NALCN: variants seen among roughly 807,000 people sequenced by gnomAD.
NALCN encodes sodium leak channel NALCN.
A neutral mutation model predicts 225.3 loss-of-function variants in NALCN; 111 were observed. The ratio of observed to expected loss-of-function variants is 0.49; its 90% CI spans 0.42 to 0.58. NALCN has a LOEUF of 0.58. Ranked by LOEUF, NALCN falls within the 20% of genes least tolerant of loss-of-function variation. The probability of loss-of-function intolerance (pLI) is 0.00; values close to 1 mark genes in which losing one functional copy is unlikely to be tolerated. For synonymous variants in NALCN, 764 were observed against 769.0 expected, an observed-to-expected ratio of 0.99 and a Z score of 0.11; for missense variants, 1,378 against 2,202.4, an observed-to-expected ratio of 0.63 and a Z score of 7.49.
At chr13:101,278,522 C>CAAA (rs3061766) in intron 10 of NALCN, among the ~76,000 whole-genome samples, 1,135 of 87,238 alleles carry the variant, frequency 0.013, 61 homozygotes, top group African/African-American at 0.036. Context: ...GACTCTGTCT[C>CAAA]AAAAAAAAAA....
At chr13:101,193,347 C>T (rs1418819447) in intron 13 of NALCN, among the ~76,000 whole-genome samples, 6 of 152,076 alleles carry the variant, frequency 3.9e-5, no homozygotes, top group Non-Finnish European at 8.8e-5. Flanking sequence ...GGCTGAGAAG[C>T]GACCTAACTG....
At chr13:101,336,204 C>T (rs891929310) in intron 7 of NALCN, among the ~76,000 whole-genome samples, 1 of 152,068 alleles carries the variant, frequency 6.6e-6, no homozygotes, top group South Asian at 2.1e-4. Context: ...CACAGAACTC[C>T]ACCAGTGATG....
chr13:101,254,344 G>T (rs916228545), intron 11 of NALCN, among the ~76,000 whole-genome samples: 1 of 118,606 alleles, frequency 8.4e-6, no homozygotes, highest in South Asian at 2.8e-4. Context: ...CTGCACTCTA[G>T]CCTGAGCAAC....
chr13:101,060,718 C>T lies in NALCN; in HGVS notation c.4756-751G>A, dbSNP rs141135731. 3.9e-5 allele frequency among the ~76,000 whole-genome samples: 6 copies of T among 152,208 alleles called. No individual in the cohort carries two copies. In the East Asian group the frequency reaches 1.2e-3, roughly 29 times the overall value. Reference sequence around the variant, plus strand: ...CCTGCAAGTTGTAAGAGGCAAAGAGCCTTGGGTGGATGAGAAAACCTTTGT... The same window carrying T: ...CCTGCAAGTTGTAAGAGGCAAAGAGTCTTGGGTGGATGAGAAAACCTTTGT... On this transcript the variant is annotated intron_variant, in intron 41 of 43. Coordinates refer to ENST00000251127, the MANE Select transcript of NALCN (RefSeq NM_052867.4).
chr13:101,088,532 C>T (rs1051823271), intron 30 of NALCN, among the ~76,000 whole-genome samples: 10 of 152,152 alleles, frequency 6.6e-5, no homozygotes, highest in African/African-American at 9.6e-5. Context: ...TTTATCACAC[C>T]TTATAAGCCC....
chr13:101,397,109 TACATACACATAC>T (rs2047328006), intron 2 of NALCN, among the ~76,000 whole-genome samples: 20 of 80,902 alleles, frequency 2.5e-4, no homozygotes, highest in South Asian at 8.1e-4. Context: ...TATATATATA[TACATACACATAC>T]ATATATATAA....
At chr13:101,182,971 C>T (rs17678386) in intron 14 of NALCN, among the ~76,000 whole-genome samples, 21,535 of 152,078 alleles carry the variant, frequency 0.14, 2,040 homozygotes, top group East Asian at 0.43. Flanking sequence ...TCCTACAAAC[C>T]CAGTGCAATG....
chr13:101,260,308 T>C (rs2042383290), intron 10 of NALCN, among the ~76,000 whole-genome samples: 3 of 152,200 alleles, frequency 2.0e-5, no homozygotes, highest in Non-Finnish European at 4.4e-5. Flanking sequence ...CCAAATCTTA[T>C]TGCAAACAGT....
At chr13:101,157,956 T>G (rs922187880) in intron 15 of NALCN, among the ~76,000 whole-genome samples, 2 of 152,132 alleles carry the variant, frequency 1.3e-5, no homozygotes, top group Non-Finnish European at 2.9e-5. Context: ...TTTCACCACG[T>G]TGGCCAGGCT....
At chr13:101,107,850 A>T in intron 20 of NALCN, 61 bp from the exon 21 acceptor site, 1 of 1,382,404 alleles carries the variant, frequency 7.2e-7, no homozygotes, top group Non-Finnish European at 9.8e-7. Flanking sequence ...AAAATATATT[A>T]TCAGTTAAAA....
intron 27 of NALCN, among the ~76,000 whole-genome samples, chr13:101,098,164 C>T (rs2034617824): frequency 1.3e-5 from 2 of 152,042 alleles, no homozygotes; most frequent in South Asian, 4.1e-4. Context: ...ATCTCAAATC[C>T]CACCTCCTCC....
intron 13 of NALCN, among the ~76,000 whole-genome samples, chr13:101,199,800 A>AAT (rs1419291719): frequency 3.8e-4 from 58 of 151,736 alleles, no homozygotes; most frequent in African/African-American, 8.9e-4. Flanking sequence ...AGTATAAATA[A>AAT]ATATATATAT....
rs2030889286 is a variant in NALCN at position 101,053,998 on chromosome 13, A to AAAT, written c.*1294_*1296dup. ...TATCTGAGGAATGTTAAATAGAGAAAAATAGATTATAAAACAACCTGGAGG... is the reference window on the plus strand; with the variant it reads ...TATCTGAGGAATGTTAAATAGAGAAAAATAATAGATTATAAAACAACCTGGAGG... On this transcript the variant is annotated 3_prime_UTR_variant, in exon 44 of 44. Transcript: ENST00000251127. The AAAT allele has an allele frequency of 6.6e-6, 1 of 152,008 alleles. No homozygotes were observed. Among genetic ancestry groups the AAAT allele is most frequent in the African/African-American group, 2.4e-5 (1 of 41,326 alleles). 9.4% of individuals were successfully genotyped at this position (152,008 alleles called of 1,614,324 possible). A position where few individuals can be genotyped will look rare whatever the true frequency, so the allele number is the denominator to read the frequency against.
intron 2 of NALCN, among the ~76,000 whole-genome samples, chr13:101,396,504 G>A (rs111825612): frequency 5.3e-5 from 8 of 152,098 alleles, no homozygotes; most frequent in African/African-American, 1.9e-4. Context: ...AGAAAAGACT[G>A]TCAGAACTTT....
At chr13:101,170,828 A>T (rs998799707) in intron 15 of NALCN, among the ~76,000 whole-genome samples, 4 of 152,160 alleles carry the variant, frequency 2.6e-5, no homozygotes, top group Non-Finnish European at 5.9e-5. Context: ...TCCCTTTTCG[A>T]TGATTCCTCC....
intron 14 of NALCN, among the ~76,000 whole-genome samples, chr13:101,187,048 A>T (rs1365416214): frequency 6.6e-6 from 1 of 152,150 alleles, no homozygotes; most frequent in Non-Finnish European, 1.5e-5. Flanking sequence ...TAAATACAGT[A>T]GGCCCCCCCC....
At chr13:101,305,162 C>G (rs1181752114) in intron 7 of NALCN, among the ~76,000 whole-genome samples, 2 of 152,142 alleles carry the variant, frequency 1.3e-5, no homozygotes, top group Admixed American at 1.3e-4. Flanking sequence ...ATTCATTCAA[C>G]AAGATTAGGA....
chr13:101,181,388 C>T, intron 14 of NALCN: 1 of 509,268 alleles, frequency 2.0e-6, no homozygotes, highest in Admixed American at 2.0e-5. Context: ...TAAATTTTTC[C>T]TTTTAAAAGT....
chr13:101,305,638 C>T (rs2044130085), intron 7 of NALCN, among the ~76,000 whole-genome samples: 1 of 152,166 alleles, frequency 6.6e-6, no homozygotes, highest in East Asian at 1.9e-4. Context: ...CTCTTGTCTC[C>T]TTTTATCTCA....
Sources: gnomAD v4.1 joint callset for allele counts (sites outside exome capture counted in the v4.1 genomes callset) on GRCh38, gnomAD v4.1.1 for gene constraint, MANE v1.5 for transcripts, NCBI Gene and HGNC (gene_info 2026-07-23, HGNC 2026-07-21) for gene names.